The following ASAH2 variants were observed in gnomAD, a reference collection of about 807,000 sequenced individuals.
The protein encoded by ASAH2 is neutral ceramidase.
Under a neutral mutation model 82.9 loss-of-function variants are expected in ASAH2, and 58 were observed. The ratio of observed to expected loss-of-function variants is 0.70; its 90% CI spans 0.57 to 0.87. The LOEUF (loss-of-function observed/expected upper bound fraction) is 0.87, where lower values mean the gene tolerates loss of function less well. ASAH2 is among the 40% of genes least tolerant of loss of function. ASAH2 has a pLI of 0.00. For synonymous variants in ASAH2, 276 were observed against 289.7 expected, an observed-to-expected ratio of 0.95 and a Z score of 0.48; for missense variants, 779 against 834.0, an observed-to-expected ratio of 0.93 and a Z score of 0.81.
At chr10:50,200,859 G>T (rs2133199258) in intron 16 of ASAH2, among the ~76,000 whole-genome samples, 1 of 152,156 alleles carries the variant, frequency 6.6e-6, no homozygotes, top group Non-Finnish European at 1.5e-5. Context: ...CCTGGCAAAG[G>T]CCCCACCCTT....
At chr10:50,234,664 G>T in intron 5 of ASAH2, 112 bp from the exon 6 acceptor site, 2 of 1,427,204 alleles carry the variant, frequency 1.4e-6, no homozygotes, top group South Asian at 2.4e-5. Context: ...GTCTCTAATG[G>T]GTCCACATTA....
At chr10:50,208,889 A>G (rs1845380358) in intron 12 of ASAH2, among the ~76,000 whole-genome samples, 1 of 152,160 alleles carries the variant, frequency 6.6e-6, no homozygotes, top group South Asian at 2.1e-4. Flanking sequence ...AGAAAGACAT[A>G]CTTTCTGATC....
chr10:50,224,392 A>T (rs1166418261), intron 7 of ASAH2, among the ~76,000 whole-genome samples: 1 of 151,934 alleles, frequency 6.6e-6, no homozygotes, highest in Non-Finnish European at 1.5e-5. Flanking sequence ...TATATATACA[A>T]ATATATATAT....
chr10:50,230,892 A>T (rs1182766260), intron 7 of ASAH2, among the ~76,000 whole-genome samples: 1 of 151,778 alleles, frequency 6.6e-6, no homozygotes, highest in African/African-American at 2.4e-5. Flanking sequence ...ATTTTAAAAA[A>T]TAGCCAGGTG....
In ASAH2 at chr10:50,204,890, C is replaced by T; in HGVS notation, c.1596G>A (p.Leu532=). 2 of 1,611,672 alleles carry T rather than the reference C, an allele frequency of 1.2e-6. No homozygotes were observed. The highest frequency in any genetic ancestry group is 1.7e-6 in the Non-Finnish European group (2 of 1,178,728). The change falls in exon 14 of 21, where the codon TTG becomes TTA. Residue 532 remains leucine, a synonymous_variant. Transcript: ENST00000682911. The stretch of plus-strand genomic sequence containing the variant: ...ACTCCCCGGGGATGGCAGTTATGGC[C>T]AAGGACCCAAGGGTAATAATCTGAA... ...VDVQIITLGS[L]AITAIPGEFT...
At chr10:50,237,709 T>C (rs1185437166) in intron 4 of ASAH2, among the ~76,000 whole-genome samples, 3 of 152,206 alleles carry the variant, frequency 2.0e-5, no homozygotes, top group Non-Finnish European at 4.4e-5. Flanking sequence ...ATACTGGTGA[T>C]GTTGCTGAGT....
intron 1 of ASAH2, among the ~76,000 whole-genome samples, chr10:50,249,171 T>G (rs953764015): frequency 2.0e-5 from 3 of 152,204 alleles, no homozygotes; most frequent in Non-Finnish European, 4.4e-5. Flanking sequence ...ACACTCTATG[T>G]TTTAACTTTC....
chr10:50,212,243 A>G (rs1340320629), intron 10 of ASAH2, among the ~76,000 whole-genome samples: 1 of 152,064 alleles, frequency 6.6e-6, no homozygotes, highest in Non-Finnish European at 1.5e-5. Context: ...CTATGAAAAG[A>G]AAGAGATTTA....
chr10:50,231,663 G>A (rs997010492), intron 7 of ASAH2, among the ~76,000 whole-genome samples: 14 of 152,056 alleles, frequency 9.2e-5, no homozygotes, highest in Admixed American at 3.3e-4. Context: ...AATGCTAAGG[G>A]GAAACTAATC....
In ASAH2 at chr10:50,210,824, C is replaced by T; in HGVS notation, c.1413G>A (p.Gln471=). Residue 471 remains glutamine (Q), a splice_region_variant and synonymous_variant, in exon 12 of 21, where the codon CAG becomes CAA. Coordinates refer to ENST00000682911, the MANE Select transcript of ASAH2 (RefSeq NM_019893.4). ...IDGVGGLNFT[Q]GKTEGDPFWD... is the part of the protein sequence containing the mutation. The stretch of plus-strand genomic sequence containing the variant: ...AGATTTTACTGGACTTCACCTTACC[C>T]TGTGTAAAATTGAGGCCTCCAACTC... The T allele has an allele frequency of 1.2e-6, 2 of 1,609,014 alleles. No individual in the cohort carries two copies. Among genetic ancestry groups the T allele is most frequent in the Non-Finnish European group, 8.5e-7 (1 of 1,175,374 alleles).
chr10:50,233,144 G>T (rs1370964814), intron 7 of ASAH2, 40 bp downstream of exon 7: 4 of 1,398,604 alleles, frequency 2.9e-6, no homozygotes, highest in Non-Finnish European at 4.1e-6. Context: ...ATTAAGAAAA[G>T]CTACCCGACA....
At chr10:50,229,277 T>C (rs1355505888) in intron 7 of ASAH2, among the ~76,000 whole-genome samples, 4 of 152,150 alleles carry the variant, frequency 2.6e-5, no homozygotes, top group Non-Finnish European at 5.9e-5. Context: ...GCTTATATTT[T>C]AATTCACAAT....
chr10:50,243,467 A>G, intron 3 of ASAH2, 116 bp from the exon 4 acceptor site: 7 of 1,141,058 alleles, frequency 6.1e-6, no homozygotes, highest in Non-Finnish European at 8.6e-6. Flanking sequence ...TCCACATGAC[A>G]TGGTGGCTCT....
chr10:50,226,749 A>G (rs1395866679), intron 7 of ASAH2, among the ~76,000 whole-genome samples: 1 of 152,134 alleles, frequency 6.6e-6, no homozygotes, highest in African/African-American at 2.4e-5. Flanking sequence ...TCTATTGAAA[A>G]AAAAACTATG....
chr10:50,229,405 G>T (rs1422348405), intron 7 of ASAH2, among the ~76,000 whole-genome samples: 1 of 152,126 alleles, frequency 6.6e-6, no homozygotes, highest in Non-Finnish European at 1.5e-5. Context: ...TTTTCTAACA[G>T]ATTTTTCTGA....
At chr10:50,249,812 G>A (rs761051796) in intron 1 of ASAH2, among the ~76,000 whole-genome samples, 4 of 152,140 alleles carry the variant, frequency 2.6e-5, no homozygotes, top group Non-Finnish European at 4.4e-5. Context: ...GGAATCACAG[G>A]TGGGACCTTC....
At chr10:50,247,256 G>A (rs34895954) in intron 2 of ASAH2, among the ~76,000 whole-genome samples, 9,059 of 151,568 alleles carry the variant, frequency 0.06, 319 homozygotes, top group Middle Eastern at 0.12. Context: ...GGGTTCAAGC[G>A]ATTCTCCTGC....
Position 50,240,684 on chromosome 10 carries a change from T to C in ASAH2, c.510+2518A>G, listed in dbSNP as rs1413729258. The C allele has an allele frequency of 4.4e-6, 3 of 678,442 alleles. No homozygotes were observed. The Admixed American group carries it at 6.3e-5, about 14-fold the overall frequency. 42.0% of individuals were successfully genotyped at this position (678,442 alleles called of 1,614,324 possible). On this transcript the variant is annotated intron_variant, in intron 4 of 20. Coordinates refer to ENST00000682911, the MANE Select transcript of ASAH2 (RefSeq NM_019893.4). ...TCCTCTGTTCCCTCATGAAAGAGTCTACATCCCTCCTTTGTGCCTCTCTGT... is the reference window on the plus strand; with the variant it reads ...TCCTCTGTTCCCTCATGAAAGAGTCCACATCCCTCCTTTGTGCCTCTCTGT...
chr10:50,218,400 G>A lies in ASAH2; in HGVS notation c.1014+110C>T, dbSNP rs921541643. On this transcript the variant is annotated intron_variant, in intron 8 of 20. Transcript: ENST00000682911. ...TCTATTCAAGCATACCAATATGTGA[G>A]ATTGATGATGACACTTTATTCTGGA... 43 of 1,462,432 alleles carry A rather than the reference G, an allele frequency of 2.9e-5. No individual in the cohort carries two copies. The South Asian group carries it at 4.5e-4, about 15-fold the overall frequency. The allele number at this position is 1,462,432 out of a possible 1,614,324, so 90.6% of individuals were successfully genotyped here.
Sources: gnomAD v4.1 joint callset for allele counts (sites outside exome capture counted in the v4.1 genomes callset) on GRCh38, gnomAD v4.1.1 for gene constraint, MANE v1.5 for transcripts, NCBI Gene and HGNC (gene_info 2026-07-23, HGNC 2026-07-21) for gene names.